The following COL25A1 variants were observed in gnomAD, a reference collection of about 807,000 sequenced individuals.
The protein encoded by COL25A1 is collagen type XXV alpha 1 chain.
COL25A1 carries 103 observed loss-of-function variants against 128.4 expected under a neutral mutation model. The observed-to-expected ratio is 0.80, with a 90% CI of 0.68 to 0.94. The LOEUF is 0.94. Ranked by LOEUF, COL25A1 falls within the 40% of genes least tolerant of loss-of-function variation. The pLI, the probability that COL25A1 is intolerant of heterozygous loss-of-function variation, is 0.00. For missense variants in COL25A1, 745 were observed against 840.0 expected (o/e 0.89, Z 1.40); for synonymous variants, 279 against 277.2 (o/e 1.01, Z -0.06).
At chr4:108,996,434 T>C (rs1754783379) in intron 6 of COL25A1, among the ~76,000 whole-genome samples, 1 of 151,890 alleles carries the variant, frequency 6.6e-6, no homozygotes, top group Admixed American at 6.6e-5. Context: ...ATCCTAAACA[T>C]ATATGCACCC....
At chr4:108,945,259 G>T (rs1436474011) in intron 8 of COL25A1, among the ~76,000 whole-genome samples, 1 of 152,124 alleles carries the variant, frequency 6.6e-6, no homozygotes, top group Non-Finnish European at 1.5e-5. Context: ...TTTGATGGTG[G>T]TAAAAAAAAT....
intron 31 of COL25A1, among the ~76,000 whole-genome samples, chr4:108,841,116 C>T (rs1734399604): frequency 6.6e-6 from 1 of 152,214 alleles, no homozygotes; most frequent in Admixed American, 6.5e-5. Context: ...GCAAGCTACA[C>T]TAATTCTGAC....
chr4:109,178,807 C>T (rs1422799856), intron 3 of COL25A1, among the ~76,000 whole-genome samples: 1 of 139,308 alleles, frequency 7.2e-6, no homozygotes, highest in Non-Finnish European at 1.5e-5. Flanking sequence ...TGCACTCCAG[C>T]CTGGGCAACA....
chr4:108,994,209 A>C (rs1754517044), intron 6 of COL25A1, among the ~76,000 whole-genome samples: 2 of 152,190 alleles, frequency 1.3e-5, no homozygotes, highest in Admixed American at 1.3e-4. Context: ...AGCCAAGGGA[A>C]GCCGTGACAG....
chr4:109,102,087 A>G (rs969976497), intron 3 of COL25A1, among the ~76,000 whole-genome samples: 2 of 152,188 alleles, frequency 1.3e-5, no homozygotes, highest in Admixed American at 6.5e-5. Flanking sequence ...TATCATGTTC[A>G]CCTTATAGAA....
At chr4:109,195,068 T>C (rs1198054206) in intron 3 of COL25A1, among the ~76,000 whole-genome samples, 1 of 152,176 alleles carries the variant, frequency 6.6e-6, no homozygotes, top group Non-Finnish European at 1.5e-5. Context: ...AAACATCTCA[T>C]GTACCCCATA....
chr4:109,181,005 G>C (rs2526455), intron 3 of COL25A1, among the ~76,000 whole-genome samples: 100,357 of 151,920 alleles, frequency 0.66, 33,426 homozygotes, highest in East Asian at 0.75. Context: ...ATGCAAGTTT[G>C]CATGAAGACA....
At chr4:108,829,693 CT>C (rs1303554288) in intron 32 of COL25A1, among the ~76,000 whole-genome samples, 1 of 152,172 alleles carries the variant, frequency 6.6e-6, no homozygotes, top group Non-Finnish European at 1.5e-5. Context: ...AAAGCTGTCA[CT>C]AAAACAGCTG....
chr4:109,004,241 C>G (rs1226779258), intron 6 of COL25A1, among the ~76,000 whole-genome samples: 5 of 152,142 alleles, frequency 3.3e-5, no homozygotes, highest in African/African-American at 4.8e-5. Context: ...CCCAGCAATT[C>G]TTAACAATCT....
At chr4:109,122,450 G>C (rs1021285105) in intron 3 of COL25A1, among the ~76,000 whole-genome samples, 2 of 152,016 alleles carry the variant, frequency 1.3e-5, no homozygotes, top group Non-Finnish European at 2.9e-5. Flanking sequence ...AAGTTTATTA[G>C]AAGGAAGGAA....
intron 3 of COL25A1, among the ~76,000 whole-genome samples, chr4:109,178,120 T>A (rs2126140841): frequency 6.6e-6 from 1 of 152,334 alleles, no homozygotes; most frequent in East Asian, 1.9e-4. Context: ...AATAAGTTTC[T>A]TTTTCCTTTT....
chr4:109,177,610 A>G (rs1774220156), intron 3 of COL25A1, among the ~76,000 whole-genome samples: 1 of 152,194 alleles, frequency 6.6e-6, no homozygotes, highest in Admixed American at 6.5e-5. Context: ...GATGAGTTCC[A>G]GGCCAAGTTT....
intron 5 of COL25A1, among the ~76,000 whole-genome samples, chr4:109,030,202 A>G (rs530948056): frequency 1.7e-4 from 26 of 152,304 alleles, no homozygotes; most frequent in African/African-American, 4.8e-4. Flanking sequence ...ACGGAAGTCA[A>G]CAAGATAGGC....
intron 20 of COL25A1, among the ~76,000 whole-genome samples, chr4:108,867,970 G>A (rs1176587761): frequency 6.6e-6 from 1 of 152,034 alleles, no homozygotes; most frequent in African/African-American, 2.4e-5. Context: ...TCATGAGATG[G>A]TTTTCATTAT....
chr4:108,832,973 TAATA>T (rs67907672), intron 31 of COL25A1, among the ~76,000 whole-genome samples: 22 of 106,162 alleles, frequency 2.1e-4, no homozygotes, highest in Admixed American at 7.6e-4. Flanking sequence ...TCTCAAAAAA[TAATA>T]AATAAATAAA....
intron 5 of COL25A1, among the ~76,000 whole-genome samples, chr4:109,030,723 G>A (rs181386139): frequency 6.6e-6 from 1 of 152,042 alleles, no homozygotes. Context: ...TGCAATGCCT[G>A]TTAAAAATTT....
intron 3 of COL25A1, among the ~76,000 whole-genome samples, chr4:109,064,610 T>C (rs553232993): frequency 2.0e-5 from 3 of 152,192 alleles, no homozygotes; most frequent in African/African-American, 4.8e-5. Flanking sequence ...GAATCATTCC[T>C]GAACTAAGAA....
chr4:109,228,195 C>T (rs1578493741), intron 3 of COL25A1, among the ~76,000 whole-genome samples: 1 of 152,144 alleles, frequency 6.6e-6, no homozygotes, highest in African/African-American at 2.4e-5. Flanking sequence ...CTCAGACTCA[C>T]ACTAATTTCC....
chr4:108,958,504 C>T (rs745643772), intron 8 of COL25A1, among the ~76,000 whole-genome samples: 18 of 151,852 alleles, frequency 1.2e-4, no homozygotes, highest in Non-Finnish European at 2.2e-4. Context: ...TAAGCTAGAT[C>T]ATCTTAGGTA....
Sources: allele counts gnomAD v4.1 joint callset (sites outside exome capture counted in the v4.1 genomes callset), GRCh38; gene constraint gnomAD v4.1.1; transcripts MANE v1.5; gene names NCBI Gene and HGNC (gene_info 2026-07-23, HGNC 2026-07-21).